IMMP2L: variants seen among roughly 807,000 people sequenced by gnomAD.
IMMP2L encodes the protein inner mitochondrial membrane peptidase subunit 2.
Under a neutral mutation model 19.3 loss-of-function variants are expected in IMMP2L, and 18 were observed. The observed-to-expected ratio is 0.93, with a 90% CI of 0.64 to 1.38. The LOEUF (loss-of-function observed/expected upper bound fraction) is 1.38. IMMP2L is among the 40% of genes most tolerant of loss of function. IMMP2L has a pLI of 0.00. For synonymous variants in IMMP2L, 76 were observed against 73.0 expected (o/e 1.04, Z -0.21); for missense variants, 233 against 218.2 (o/e 1.07, Z -0.43).
intron 5 of IMMP2L, among the ~76,000 whole-genome samples, chr7:110,675,790 G>A (rs1584472496): frequency 6.6e-6 from 1 of 152,248 alleles, no homozygotes; most frequent in Admixed American, 6.5e-5. Flanking sequence ...GTGTGACCAT[G>A]CAATCTATTA....
intron 5 of IMMP2L, among the ~76,000 whole-genome samples, chr7:110,871,408 A>G (rs551801156): frequency 6.6e-6 from 1 of 152,276 alleles, no homozygotes; most frequent in Admixed American, 6.5e-5. Flanking sequence ...AATCTGGCAG[A>G]GAAGGATGAA....
intron 3 of IMMP2L, among the ~76,000 whole-genome samples, chr7:111,421,024 C>A (rs1347781559): frequency 2.0e-5 from 3 of 151,842 alleles, no homozygotes; most frequent in Non-Finnish European, 2.9e-5. Flanking sequence ...GTCCCACCAA[C>A]AGTGTAAAAG....
At chr7:110,988,596 T>C (rs73435110) in intron 3 of IMMP2L, among the ~76,000 whole-genome samples, 5,522 of 152,128 alleles carry the variant, frequency 0.036, 339 homozygotes, top group African/African-American at 0.13. Context: ...AATGAGGTCA[T>C]AGCAGTATGT....
chr7:111,498,521 C>G (rs1488292241), intron 2 of IMMP2L, among the ~76,000 whole-genome samples: 2 of 151,106 alleles, frequency 1.3e-5, no homozygotes, highest in Non-Finnish European at 2.9e-5. Context: ...TGTCTCCTAA[C>G]CTAATTAAAA....
chr7:111,267,663 A>T (rs1191763311), intron 3 of IMMP2L, among the ~76,000 whole-genome samples: 1 of 152,156 alleles, frequency 6.6e-6, no homozygotes, highest in African/African-American at 2.4e-5. Flanking sequence ...CCAATCTTTA[A>T]TAGACTTAAT....
At chr7:111,015,580 G>A (rs1825421588) in intron 3 of IMMP2L, among the ~76,000 whole-genome samples, 1 of 152,216 alleles carries the variant, frequency 6.6e-6, no homozygotes, top group East Asian at 1.9e-4. Context: ...AGAAAAAAGG[G>A]CCACTTATTG....
intron 3 of IMMP2L, among the ~76,000 whole-genome samples, chr7:111,198,918 G>A (rs1809797858): frequency 6.6e-6 from 1 of 152,108 alleles, no homozygotes; most frequent in Admixed American, 6.5e-5. Flanking sequence ...TTTGAGTGGA[G>A]AATATATGCA....
intron 2 of IMMP2L, 82 bp downstream of exon 2, chr7:111,521,231 A>G: frequency 7.2e-7 from 1 of 1,393,544 alleles, no homozygotes; most frequent in Non-Finnish European, 9.8e-7. Flanking sequence ...CCAGAATAGG[A>G]ATAATAATTA....
intron 5 of IMMP2L, among the ~76,000 whole-genome samples, chr7:110,823,246 A>G (rs1803194791): frequency 6.6e-6 from 1 of 152,056 alleles, no homozygotes; most frequent in Non-Finnish European, 1.5e-5. Flanking sequence ...CCAGGAGTAA[A>G]TTATTTCTGT....
In IMMP2L at chr7:110,870,542, G is replaced by T. The variant is rs1464607473; in HGVS notation, c.408+16051C>A. 3.3e-5 allele frequency among the ~76,000 whole-genome samples: 5 copies of T among 152,088 alleles called. No individual in the cohort carries two copies. Among genetic ancestry groups the T allele is most frequent in the African/African-American group, 1.2e-4 (5 of 41,426 alleles). On this transcript the variant is annotated intron_variant, in intron 5 of 5. Coordinates refer to ENST00000405709, the MANE Select transcript of IMMP2L (RefSeq NM_032549.4). This position sits in a 1 kb window ranked among gnomAD's most constrained non-coding sequence, Gnocchi z 4.2. ...AGATAGTCATAGTAGCTAGAAGCAG[G>T]TGTGTGTGAGTGTGTGTGTGTGCAC...
At chr7:111,427,876 C>T (rs753458307) in intron 3 of IMMP2L, among the ~76,000 whole-genome samples, 1 of 151,826 alleles carries the variant, frequency 6.6e-6, no homozygotes, top group South Asian at 2.1e-4. Context: ...TAGGTAAGTT[C>T]ATATCACTGA....
chr7:110,913,053 T>C (rs1344319590), intron 4 of IMMP2L, among the ~76,000 whole-genome samples: 5 of 152,110 alleles, frequency 3.3e-5, no homozygotes, highest in Admixed American at 2.6e-4. Flanking sequence ...CAATAAACTT[T>C]GGAGGTTGTA....
chr7:111,105,013 T>G (rs1798385891), intron 3 of IMMP2L, among the ~76,000 whole-genome samples: 1 of 151,784 alleles, frequency 6.6e-6, no homozygotes, highest in African/African-American at 2.4e-5. Context: ...CTTGCCAGAA[T>G]GCAAAGAGCA....
intron 3 of IMMP2L, among the ~76,000 whole-genome samples, chr7:111,204,114 A>G (rs1586816729): frequency 6.6e-6 from 1 of 152,266 alleles, no homozygotes; most frequent in East Asian, 1.9e-4. Context: ...TATTATTCTA[A>G]AATAATATCA....
intron 3 of IMMP2L, among the ~76,000 whole-genome samples, chr7:111,283,639 C>G (rs1820145852): frequency 1.3e-5 from 2 of 152,064 alleles, no homozygotes; most frequent in Non-Finnish European, 2.9e-5. Flanking sequence ...GGGGCCTGGG[C>G]TTTACTTTGG....
intron 3 of IMMP2L, among the ~76,000 whole-genome samples, chr7:111,308,811 T>C (rs1285588517): frequency 2.0e-5 from 3 of 152,200 alleles, no homozygotes; most frequent in South Asian, 4.1e-4. Flanking sequence ...TTTTGCAAAC[T>C]GCCTTCAATT....
chr7:111,145,277 TTG>T (rs1303563900), intron 3 of IMMP2L, among the ~76,000 whole-genome samples: 1 of 152,098 alleles, frequency 6.6e-6, no homozygotes, highest in Non-Finnish European at 1.5e-5. Flanking sequence ...ATATGTGTAG[TTG>T]CCTCTGTAGA....
At chr7:110,999,236 A>G (rs1254341027) in intron 3 of IMMP2L, among the ~76,000 whole-genome samples, 1 of 151,920 alleles carries the variant, frequency 6.6e-6, no homozygotes, top group Non-Finnish European at 1.5e-5. Context: ...TTTGGGAACC[A>G]TAAAATGACA....
intron 3 of IMMP2L, among the ~76,000 whole-genome samples, chr7:111,260,415 G>C (rs145169550): frequency 5.6e-4 from 85 of 152,288 alleles, no homozygotes; most frequent in Admixed American, 4.4e-3. Context: ...TATGTAAACT[G>C]TAATTTGAAT....
Sources: allele counts gnomAD v4.1 joint callset (sites outside exome capture counted in the v4.1 genomes callset), GRCh38; gene constraint gnomAD v4.1.1; non-coding constraint Gnocchi (gnomAD v3.1); transcripts MANE v1.5; gene names NCBI Gene and HGNC (gene_info 2026-07-23, HGNC 2026-07-21).